EHD3: variants seen among roughly 807,000 people sequenced by gnomAD.
EHD3 encodes the protein EH domain-containing protein 3.
EHD3 carries 17 observed loss-of-function variants against 43.0 expected under a neutral mutation model. The ratio of observed to expected loss-of-function variants is 0.40; its 90% CI spans 0.27 to 0.59. The LOEUF (loss-of-function observed/expected upper bound fraction) is 0.59, where lower values mean the gene tolerates loss of function less well. Ranked by LOEUF, EHD3 falls within the 20% of genes least tolerant of loss-of-function variation. EHD3 has a pLI of 0.49. For missense variants in EHD3, 594 were observed against 705.6 expected (o/e 0.84, Z 1.79); for synonymous variants, 313 against 289.5 (o/e 1.08, Z -0.82).
At position 31,260,485 on chromosome 2, in the gene EHD3, C is replaced by A; in HGVS notation, c.503-25C>A. 1 of 1,573,150 alleles carries A rather than the reference C, an allele frequency of 6.4e-7. No individual in the cohort carries two copies. The highest frequency in any genetic ancestry group is 8.7e-7 in the Non-Finnish European group (1 of 1,156,026). ...CTACCCTATACCCCAAAGGCCCCAG[C>A]CCCTGATTGTCCCTCTGCCGGCAGG... On this transcript the variant is annotated intron_variant, in intron 3 of 5. Transcript: ENST00000322054. This position sits in a 1 kb window ranked among gnomAD's most constrained non-coding sequence, Gnocchi z 4.6.
In EHD3 at chr2:31,246,473, CAA is replaced by C. The variant is rs1013912202; in HGVS notation, c.404+2024_404+2025del. Among the ~76,000 whole-genome samples the C allele has an allele frequency of 3.3e-4, 50 of 152,102 alleles. 1 individual carries two copies. Among genetic ancestry groups the C allele is most frequent in the African/African-American group, 1.1e-3 (47 of 41,502 alleles). On this transcript the variant is annotated intron_variant, in intron 2 of 5. Transcript: ENST00000322054. ...AGAGGAGGGAAAAGCCAGGGGGAGA[CAA>C]GAGGAAACTGGGCTCATCACAAGAG...
At position 31,234,555 on chromosome 2, in the gene EHD3, CG is replaced by C. The variant is rs1188221100; in HGVS notation, c.-64del. 6 of 1,567,764 alleles carry C rather than the reference CG, an allele frequency of 3.8e-6. No homozygotes were observed. Among genetic ancestry groups the C allele is most frequent in the Non-Finnish European group, 5.2e-6 (6 of 1,149,654 alleles). On this transcript the variant is annotated 5_prime_UTR_variant, in exon 1 of 6. Transcript: ENST00000322054. ...CTCGGAGCCCGGCGGACCGGTCCTA[CG>C]GGACATCTTCCCCTGAGGAGGAGTC...
chr2:31,243,462 T>TTC (rs1383425390), intron 1 of EHD3, among the ~76,000 whole-genome samples: 1 of 137,444 alleles, frequency 7.3e-6, no homozygotes, highest in Non-Finnish European at 1.6e-5. Flanking sequence ...CTTTCTTTCT[T>TTC]TTTTTTTTTT....
chr2:31,261,695 C>T lies in EHD3; in HGVS notation c.1062C>T (p.Pro354=). ...REHQISPGDF[P]NLKRMQDQLQ... Reference sequence around the variant, plus strand: ...ACCAGATCTCACCTGGGGACTTCCCCAATCTGAAGAGGATGCAGGTAGCGA... The same window carrying T: ...ACCAGATCTCACCTGGGGACTTCCCTAATCTGAAGAGGATGCAGGTAGCGA... Residue 354 remains proline, a synonymous_variant, in exon 5 of 6, where the codon CCC becomes CCT. Transcript: ENST00000322054. The T allele has an allele frequency of 6.2e-7, 1 of 1,614,116 alleles. No homozygotes were observed. Among genetic ancestry groups the T allele is most frequent in the Non-Finnish European group, 8.5e-7 (1 of 1,180,004 alleles).
intron 1 of EHD3, among the ~76,000 whole-genome samples, chr2:31,237,494 T>C (rs1683344714): frequency 6.6e-6 from 1 of 152,108 alleles, no homozygotes; most frequent in Non-Finnish European, 1.5e-5. Context: ...AACCTCCGCC[T>C]CCTGTGTTCA....
chr2:31,254,081 T>C (rs1444218802), intron 3 of EHD3, among the ~76,000 whole-genome samples: 1 of 152,174 alleles, frequency 6.6e-6, no homozygotes, highest in Non-Finnish European at 1.5e-5. Context: ...CACAGGCCCC[T>C]TTCTGCACAG....
rs142487916 is a variant in EHD3 at position 31,267,752 on chromosome 2, C to G, written c.*1048C>G. ...TGTATGCAGGATCCCAGCATTGATA[C>G]CCAATGACAAACTATGGAGAACAAG... On this transcript the variant is annotated 3_prime_UTR_variant, in exon 6 of 6. Coordinates refer to ENST00000322054, the MANE Select transcript of EHD3 (RefSeq NM_014600.3). 25 of 152,374 alleles carry G rather than the reference C, an allele frequency of 1.6e-4. No homozygotes were observed. The East Asian group carries it at 4.6e-3, about 28-fold the overall frequency. 9.4% of individuals were successfully genotyped at this position (152,374 alleles called of 1,614,324 possible). A position where few individuals can be genotyped will look rare whatever the true frequency, so the allele number is the denominator to read the frequency against.
chr2:31,238,380 C>T (rs1324296260), intron 1 of EHD3, among the ~76,000 whole-genome samples: 1 of 152,228 alleles, frequency 6.6e-6, no homozygotes, highest in Non-Finnish European at 1.5e-5. Flanking sequence ...CATCCACTTT[C>T]AGTAATATGT....
intron 5 of EHD3, 59 bp downstream of exon 5, chr2:31,261,772 C>T: frequency 6.3e-7 from 1 of 1,589,534 alleles, no homozygotes; most frequent in East Asian, 2.2e-5. Context: ...GGCTGAGCAG[C>T]CTGAGTATGG....
At chr2:31,249,586 T>C in intron 3 of EHD3, 118 bp downstream of exon 3, 2 of 877,730 alleles carry the variant, frequency 2.3e-6, no homozygotes, top group Non-Finnish European at 3.6e-6. Context: ...AGCCGGCACT[T>C]CTCCTGTGCT....
intron 1 of EHD3, among the ~76,000 whole-genome samples, chr2:31,240,235 G>A (rs1683395356): frequency 6.6e-6 from 1 of 152,144 alleles, no homozygotes; most frequent in Non-Finnish European, 1.5e-5. Context: ...GACTCAGTCT[G>A]TCCTGTCTCC....
At chr2:31,248,329 T>G (rs1334635364) in intron 2 of EHD3, among the ~76,000 whole-genome samples, 4 of 152,170 alleles carry the variant, frequency 2.6e-5, no homozygotes, top group African/African-American at 7.2e-5. Flanking sequence ...CTCCAGTGCC[T>G]CCTCCTCCAG....
intron 1 of EHD3, 128 bp from the exon 2 acceptor site, chr2:31,244,146 G>C: frequency 1.3e-6 from 1 of 785,952 alleles, no homozygotes; most frequent in Non-Finnish European, 1.9e-6. Flanking sequence ...CATTTCTCCC[G>C]GCCATGAGAT....
intron 3 of EHD3, among the ~76,000 whole-genome samples, chr2:31,258,012 T>C (rs1184399913): frequency 6.6e-6 from 1 of 152,168 alleles, no homozygotes; most frequent in Non-Finnish European, 1.5e-5. Context: ...CATTGATGGC[T>C]AAGCTCCTCG....
intron 3 of EHD3, among the ~76,000 whole-genome samples, chr2:31,251,755 C>T (rs529333730): frequency 2.9e-4 from 44 of 152,240 alleles, no homozygotes; most frequent in Middle Eastern, 3.4e-3. Context: ...CCAGCCAGCA[C>T]GCACGCTGTA....
rs138864640 is a variant in EHD3, at chr2:31,249,434, G to T, written c.468G>T (p.Gly156=). The part of the protein sequence containing the change: ...LESISVIDTP[G]ILSGEKQRIS... ...GCATCAGCGTCATCGACACACCAGG[G>T]ATCCTCTCTGGGGAGAAGCAGAGGA... The change falls in exon 3 of 6, where the codon GGG becomes GGT. Residue 156 remains glycine, a synonymous_variant. Coordinates refer to ENST00000322054, the MANE Select transcript of EHD3 (RefSeq NM_014600.3). 1 of 1,614,038 alleles carries T rather than the reference G, an allele frequency of 6.2e-7. No homozygotes were observed. The highest frequency in any genetic ancestry group is 1.3e-5 in the African/African-American group (1 of 74,916).
In EHD3 at chr2:31,266,143, A is replaced by T; in HGVS notation, c.1081-34A>T. Reference sequence around the variant, plus strand: ...AAATGGAGGGCTCTCCTTTCATCGTATCCTATCTTCATCCTCTCTCCTCCT... The same window carrying T: ...AAATGGAGGGCTCTCCTTTCATCGTTTCCTATCTTCATCCTCTCTCCTCCT... On this transcript the variant is annotated intron_variant, in intron 5 of 5. Transcript: ENST00000322054. This position sits in a 1 kb window ranked among gnomAD's most constrained non-coding sequence, Gnocchi z 5.1. 1 of 1,580,126 alleles carries T rather than the reference A, an allele frequency of 6.3e-7. No homozygotes were observed. Among genetic ancestry groups the T allele is most frequent in the South Asian group, 1.2e-5 (1 of 85,768 alleles).
chr2:31,258,278 C>G (rs1162537341), intron 3 of EHD3, among the ~76,000 whole-genome samples: 1 of 152,062 alleles, frequency 6.6e-6, no homozygotes, highest in Non-Finnish European at 1.5e-5. Flanking sequence ...CAGGGGTCCT[C>G]CAGGAAGCTT....
Position 31,247,368 on chromosome 2 carries a change from T to C in EHD3, c.405-2003T>C, listed in dbSNP as rs140078714. On this transcript the variant is annotated intron_variant, in intron 2 of 5. Transcript: ENST00000322054. ...ATATATTTTACAAAAAAAAAAATTATAAAGAAAATATATAGGAAGGTGTTG... is the reference window on the plus strand; with the variant it reads ...ATATATTTTACAAAAAAAAAAATTACAAAGAAAATATATAGGAAGGTGTTG... Among the ~76,000 whole-genome samples the C allele has an allele frequency of 3.6e-3, 553 of 151,846 alleles. 5 individuals carry two copies. Among genetic ancestry groups the C allele is most frequent in the African/African-American group, 0.012 (508 of 41,398 alleles).
Sources: allele counts gnomAD v4.1 joint callset (sites outside exome capture counted in the v4.1 genomes callset), GRCh38; gene constraint gnomAD v4.1.1; non-coding constraint Gnocchi (gnomAD v3.1); transcripts MANE v1.5; gene names NCBI Gene and HGNC (gene_info 2026-07-23, HGNC 2026-07-21).